MYOC: variants seen among roughly 807,000 people sequenced by gnomAD.
The protein encoded by MYOC is myocilin.
MYOC carries 29 observed loss-of-function variants against 28.2 expected under a neutral mutation model. That is an observed-to-expected ratio of 1.03 (90% confidence interval 0.77 to 1.40). The LOEUF (loss-of-function observed/expected upper bound fraction) is 1.40, where lower values mean the gene tolerates loss of function less well. MYOC is among the 40% of genes most tolerant of loss of function. MYOC has a pLI of 0.00. For synonymous variants in MYOC, 240 were observed against 245.6 expected (o/e 0.98, Z 0.21); for missense variants, 569 against 620.6 (o/e 0.92, Z 0.88).
At chr1:171,646,677 A>G (rs1013263716) in intron 1 of MYOC, among the ~76,000 whole-genome samples, 6 of 151,774 alleles carry the variant, frequency 4.0e-5, no homozygotes, top group Non-Finnish European at 8.8e-5. Context: ...TTGTATTTTT[A>G]GTAGAGACAG....
rs1455325981 is a variant in MYOC, at chr1:171,635,729, A to G, written c.*196T>C. ...ACAGAAGATAAAGGATATTTATTATATGAAATTGTCTACGCCCTCAGACTA... is the reference window on the plus strand; with the variant it reads ...ACAGAAGATAAAGGATATTTATTATGTGAAATTGTCTACGCCCTCAGACTA... On this transcript the variant is annotated 3_prime_UTR_variant, in exon 3 of 3. Transcript: ENST00000037502. 6 of 614,522 alleles carry G rather than the reference A, an allele frequency of 9.8e-6. No individual in the cohort carries two copies. Among genetic ancestry groups the G allele is most frequent in the Non-Finnish European group, 1.7e-5 (6 of 348,538 alleles). The allele number at this position is 614,522 out of a possible 1,614,324, so 38.1% of individuals were successfully genotyped here.
rs757174636 is a variant in MYOC, at chr1:171,636,504, A to C, written c.936T>G (p.Pro312=). The C allele has an allele frequency of 2.2e-5, 35 of 1,611,504 alleles. No individual in the cohort carries two copies. The highest frequency in any genetic ancestry group is 2.7e-5 in the Non-Finnish European group (32 of 1,178,572). Residue 312 remains proline, a synonymous_variant, in exon 3 of 3, where the codon CCT becomes CCG. Transcript: ENST00000037502. Reference sequence around the variant, plus strand: ...GCCTAGGCAGTATGTGAACCTTAGAAGGGTAGCCCTGCATAAACTGGCTGA... The same window carrying C: ...GCCTAGGCAGTATGTGAACCTTAGACGGGTAGCCCTGCATAAACTGGCTGA... ...DLISQFMQGY[P]SKVHILPRPL... is the part of the protein sequence containing the mutation.
chr1:171,651,979 CTCAGAG>C, intron 1 of MYOC, 23 bp downstream of exon 1: 3 of 1,614,076 alleles, frequency 1.9e-6, no homozygotes, highest in Non-Finnish European at 2.5e-6. Context: ...ACCTGCTGAA[CTCAGAG>C]TCCCCCCACT....
chr1:171,635,996 G>T lies in MYOC; in HGVS notation c.1444C>A (p.Leu482Met). The T allele has an allele frequency of 6.2e-7, 1 of 1,614,176 alleles. No homozygotes were observed. The highest frequency in any genetic ancestry group is 1.1e-5 in the South Asian group (1 of 91,078). The change falls in exon 3 of 3, where the codon CTG (leucine) becomes ATG (methionine). Residue 482 changes from leucine to methionine, a missense_variant. Coordinates refer to ENST00000037502, the MANE Select transcript of MYOC (RefSeq NM_000261.2). ...KYSSMIDYNP[L>M]EKKLFAWDNL... ...TCCCAGGCAAAGAGCTTCTTCTCCA[G>T]GGGGTTGTAGTCAATCATGCTGCTG...
intron 1 of MYOC, among the ~76,000 whole-genome samples, chr1:171,639,467 A>G (rs1463714454): frequency 1.3e-5 from 2 of 152,032 alleles, no homozygotes; most frequent in Non-Finnish European, 2.9e-5. Flanking sequence ...TAGATGTCTG[A>G]ATTTCAATAA....
chr1:171,649,374 C>T (rs1392993760), intron 1 of MYOC, among the ~76,000 whole-genome samples: 1 of 152,190 alleles, frequency 6.6e-6, no homozygotes, highest in Non-Finnish European at 1.5e-5. Context: ...TTCCAGCCTC[C>T]AGAATGCCCC....
At chr1:171,650,826 A>T (rs1011563184) in intron 1 of MYOC, among the ~76,000 whole-genome samples, 2 of 152,070 alleles carry the variant, frequency 1.3e-5, no homozygotes, top group African/African-American at 4.8e-5. Context: ...TTCTCTCATT[A>T]TCTATATATT....
Position 171,636,250 on chromosome 1 carries a change from G to T in MYOC, c.1190C>A (p.Ala397Asp), listed in dbSNP as rs771200816. Residue 397 changes from alanine to aspartate, a missense_variant, in exon 3 of 3, where the codon GCC becomes GAC. Ala to Asp is a moderately radical substitution (Grantham distance 126). Coordinates refer to ENST00000037502, the MANE Select transcript of MYOC (RefSeq NM_000261.2). ...GLWVIYSTDE[A>D]KGAIVLSKLN... ...TTTGGAGAGGACAATGGCACCTTTGGCCTCATCGGTGCTGTAAATGACCCA... is the reference window on the plus strand; with the variant it reads ...TTTGGAGAGGACAATGGCACCTTTGTCCTCATCGGTGCTGTAAATGACCCA... 6.2e-7 allele frequency: 1 copy of T among 1,614,130 alleles called. No individual in the cohort carries two copies. Among genetic ancestry groups the T allele is most frequent in the Non-Finnish European group, 8.5e-7 (1 of 1,180,024 alleles).
chr1:171,643,179 A>C (rs1653118515), intron 1 of MYOC, among the ~76,000 whole-genome samples: 1 of 152,096 alleles, frequency 6.6e-6, no homozygotes, highest in African/African-American at 2.4e-5. Flanking sequence ...CACTAGGTCA[A>C]ATGGAGTTTC....
Position 171,644,276 on chromosome 1 carries a change from G to A in MYOC, c.605-5554C>T, listed in dbSNP as rs1460966005. On this transcript the variant is annotated intron_variant, in intron 1 of 2. Transcript: ENST00000037502. ...ACATTTTTAGGGCTTTTTTTTTTAG[G>A]TTTTTAAAAAAATATTAAATTCAGG... Among the ~76,000 whole-genome samples the A allele has an allele frequency of 3.3e-5, 5 of 151,202 alleles. No homozygotes were observed. The East Asian group carries it at 9.7e-4, about 29-fold the overall frequency.
intron 1 of MYOC, among the ~76,000 whole-genome samples, chr1:171,648,147 C>T (rs556569511): frequency 6.6e-6 from 1 of 151,388 alleles, no homozygotes; most frequent in South Asian, 2.1e-4. Context: ...CAAGATCGTG[C>T]CACCGCACTC....
At chr1:171,637,679 C>T (rs1652962094) in intron 2 of MYOC, among the ~76,000 whole-genome samples, 1 of 150,238 alleles carries the variant, frequency 6.7e-6, no homozygotes, top group Non-Finnish European at 1.5e-5. Context: ...GTGGTGTGAT[C>T]TCGGCTCACT....
intron 1 of MYOC, among the ~76,000 whole-genome samples, chr1:171,650,505 C>G (rs1476871785): frequency 6.6e-6 from 1 of 152,016 alleles, no homozygotes; most frequent in Non-Finnish European, 1.5e-5. Flanking sequence ...TCATGTGAAC[C>G]CCACAAAAAT....
chr1:171,643,804 C>G (rs1653135667), intron 1 of MYOC, among the ~76,000 whole-genome samples: 1 of 115,762 alleles, frequency 8.6e-6, no homozygotes, highest in Non-Finnish European at 1.9e-5. Context: ...AACCCTGTCT[C>G]TACTAAAAAT....
intron 1 of MYOC, among the ~76,000 whole-genome samples, chr1:171,643,670 C>T (rs1653132864): frequency 6.6e-6 from 1 of 152,106 alleles, no homozygotes; most frequent in Non-Finnish European, 1.5e-5. Context: ...TTCATTGTCT[C>T]AACTCTCAGA....
chr1:171,640,247 G>A (rs953501755), intron 1 of MYOC, among the ~76,000 whole-genome samples: 6 of 151,870 alleles, frequency 4.0e-5, no homozygotes, highest in African/African-American at 1.2e-4. Context: ...GAGGGAGTGT[G>A]TGCAGAGTTC....
At chr1:171,642,142 C>T (rs1041295156) in intron 1 of MYOC, among the ~76,000 whole-genome samples, 3 of 152,222 alleles carry the variant, frequency 2.0e-5, no homozygotes, top group African/African-American at 7.2e-5. Context: ...AGTGAGCCAG[C>T]TCAGTAGCTG....
chr1:171,643,769 G>A lies in MYOC; in HGVS notation c.605-5047C>T, dbSNP rs566356126. On this transcript the variant is annotated intron_variant, in intron 1 of 2. Coordinates refer to ENST00000037502, the MANE Select transcript of MYOC (RefSeq NM_000261.2). ...GGGTGGATCATGAGGTCAGGAGTTC[G>A]AGACCAGCCTGACCAACATGCTGAA... Among the ~76,000 whole-genome samples, 153 of 152,004 alleles carry A rather than the reference G, an allele frequency of 1.0e-3. No individual in the cohort carries two copies. In the South Asian group the frequency reaches 0.012, roughly 12 times the overall value.
Position 171,643,710 on chromosome 1 carries a change from C to T in MYOC, c.605-4988G>A, listed in dbSNP as rs139900209. Among the ~76,000 whole-genome samples the T allele has an allele frequency of 1.7e-3, 256 of 152,204 alleles. 3 individuals carry two copies. Among genetic ancestry groups the T allele is most frequent in the African/African-American group, 5.9e-3 (245 of 41,526 alleles). On this transcript the variant is annotated intron_variant, in intron 1 of 2. Coordinates refer to ENST00000037502, the MANE Select transcript of MYOC (RefSeq NM_000261.2). ...AAGAGTTGCTGGGCATGGTGGCTCA[C>T]GCCTGTAATTCCAGCACTTTGGGAG...
Sources: gnomAD v4.1 joint callset for allele counts (sites outside exome capture counted in the v4.1 genomes callset) on GRCh38, gnomAD v4.1.1 for gene constraint, MANE v1.5 for transcripts, NCBI Gene and HGNC (gene_info 2026-07-23, HGNC 2026-07-21) for gene names.